AGBL4: variants seen among roughly 807,000 people sequenced by gnomAD.
AGBL4 encodes the protein AGBL carboxypeptidase 4, also known as cytosolic carboxypeptidase 6.
Under a neutral mutation model 66.4 loss-of-function variants are expected in AGBL4, and 58 were observed. The ratio of observed to expected loss-of-function variants is 0.87; its 90% CI spans 0.71 to 1.09. The LOEUF is 1.09. Ranked by LOEUF, AGBL4 falls within the 50% of genes least tolerant of loss-of-function variation. AGBL4 has a pLI of 0.00. For synonymous variants in AGBL4, 234 were observed against 222.9 expected (o/e 1.05, Z -0.44); for missense variants, 579 against 631.0 (o/e 0.92, Z 0.88).
chr1:48,603,772 G>A lies in AGBL4; in HGVS notation c.952-12787C>T, dbSNP rs1324675557. Reference sequence around the variant, plus strand: ...AGAACATTTTTGTTATAATCCAAGTGAGAACTAATTTAAAAATGATAAGGT... The same window carrying A: ...AGAACATTTTTGTTATAATCCAAGTAAGAACTAATTTAAAAATGATAAGGT... On this transcript the variant is annotated intron_variant, in intron 9 of 13. Coordinates refer to ENST00000371839, the MANE Select transcript of AGBL4 (RefSeq NM_032785.4). Among the ~76,000 whole-genome samples, 3 of 152,034 alleles carry A rather than the reference G, an allele frequency of 2.0e-5. No individual in the cohort carries two copies. The East Asian group carries it at 5.8e-4, about 30-fold the overall frequency.
intron 1 of AGBL4, among the ~76,000 whole-genome samples, chr1:49,868,580 T>A (rs940173552): frequency 4.6e-5 from 7 of 152,198 alleles, no homozygotes; most frequent in African/African-American, 1.4e-4. Flanking sequence ...ACCGGACTCC[T>A]ACCTTACACC....
intron 1 of AGBL4, among the ~76,000 whole-genome samples, chr1:49,973,299 T>A (rs944270594): frequency 5.9e-5 from 9 of 152,180 alleles, no homozygotes; most frequent in Non-Finnish European, 2.9e-5. Flanking sequence ...ATAATTCCAA[T>A]CATTTAGAGC....
intron 2 of AGBL4, among the ~76,000 whole-genome samples, chr1:49,730,442 C>A (rs558133107): frequency 9.2e-5 from 14 of 152,184 alleles, no homozygotes; most frequent in African/African-American, 1.9e-4. Context: ...ACTCCCCAAG[C>A]CAGAACTATG....
At chr1:49,947,136 T>A (rs952990198) in intron 1 of AGBL4, among the ~76,000 whole-genome samples, 2 of 151,834 alleles carry the variant, frequency 1.3e-5, no homozygotes, top group African/African-American at 4.8e-5. Context: ...CTGGTACCAA[T>A]CCTATTGACA....
At chr1:48,683,418 G>A (rs1182306426) in intron 6 of AGBL4, among the ~76,000 whole-genome samples, 2 of 152,208 alleles carry the variant, frequency 1.3e-5, no homozygotes, top group Non-Finnish European at 2.9e-5. Context: ...GACTGACAGA[G>A]CCCAGCCTTC....
chr1:49,941,015 A>T (rs940759832), intron 1 of AGBL4, among the ~76,000 whole-genome samples: 3 of 152,122 alleles, frequency 2.0e-5, no homozygotes, highest in Non-Finnish European at 2.9e-5. Flanking sequence ...AATACAAAGG[A>T]TCATAAAAGA....
chr1:49,044,304 C>A (rs1357402710), intron 5 of AGBL4, among the ~76,000 whole-genome samples: 2 of 152,008 alleles, frequency 1.3e-5, no homozygotes, highest in East Asian at 3.9e-4. Context: ...TTGAGACCAG[C>A]CTGGCCAACA....
At chr1:49,456,611 C>T (rs1453421939) in intron 3 of AGBL4, among the ~76,000 whole-genome samples, 1 of 151,484 alleles carries the variant, frequency 6.6e-6, no homozygotes, top group Non-Finnish European at 1.5e-5. Context: ...TCTGGTAACA[C>T]ATGGTGTTTG....
intron 3 of AGBL4, among the ~76,000 whole-genome samples, chr1:49,663,091 A>G (rs916566581): frequency 5.3e-5 from 8 of 152,116 alleles, no homozygotes; most frequent in Non-Finnish European, 1.0e-4. Flanking sequence ...AAAAGAGAAA[A>G]TCACTCTTAA....
chr1:48,645,938 C>G (rs1025927520), intron 8 of AGBL4, among the ~76,000 whole-genome samples: 1 of 152,082 alleles, frequency 6.6e-6, no homozygotes, highest in African/African-American at 2.4e-5. Context: ...TGGCCTGGAG[C>G]AGTGGTGGGA....
At chr1:49,422,765 A>T (rs1042998587) in intron 3 of AGBL4, among the ~76,000 whole-genome samples, 12 of 152,142 alleles carry the variant, frequency 7.9e-5, no homozygotes, top group Non-Finnish European at 2.9e-5. Flanking sequence ...TTAGGAAGCT[A>T]TTCTTGATTC....
chr1:49,972,917 A>G (rs1320418528), intron 1 of AGBL4, among the ~76,000 whole-genome samples: 1 of 152,194 alleles, frequency 6.6e-6, no homozygotes, highest in Non-Finnish European at 1.5e-5. Flanking sequence ...ATGTTGCTTA[A>G]TCTTCACAAT....
At chr1:49,196,775 AT>A (rs1647276284) in intron 4 of AGBL4, among the ~76,000 whole-genome samples, 1 of 151,748 alleles carries the variant, frequency 6.6e-6, no homozygotes, top group Admixed American at 6.6e-5. Context: ...ATTATAATGT[AT>A]TTTTTGTTTG....
chr1:48,584,813 T>A (rs890833676), intron 11 of AGBL4: 8 of 152,242 alleles, frequency 5.3e-5, no homozygotes, highest in Admixed American at 6.5e-5. Flanking sequence ...CTTTCCCCCA[T>A]GTAAAGACAT....
chr1:48,769,550 C>CACACAT (rs1644703770), intron 6 of AGBL4, among the ~76,000 whole-genome samples: 1 of 146,962 alleles, frequency 6.8e-6, no homozygotes, highest in Non-Finnish European at 1.5e-5. Flanking sequence ...CACACACACA[C>CACACAT]ACACACACAC....
chr1:48,585,290 T>G (rs1644801244), intron 11 of AGBL4: 1 of 152,212 alleles, frequency 6.6e-6, no homozygotes, highest in African/African-American at 2.4e-5. Flanking sequence ...GGAGGGACCC[T>G]CATCTCACTA....
At chr1:49,084,543 G>A (rs546352938) in intron 4 of AGBL4, among the ~76,000 whole-genome samples, 49 of 152,128 alleles carry the variant, frequency 3.2e-4, no homozygotes, top group Non-Finnish European at 5.3e-4. Context: ...TGACTACCAT[G>A]AGAACAGTAT....
At chr1:48,572,690 G>A (rs143428184) in intron 11 of AGBL4, among the ~76,000 whole-genome samples, 93 of 152,204 alleles carry the variant, frequency 6.1e-4, no homozygotes, top group African/African-American at 1.9e-3. Flanking sequence ...AGAACTGAAG[G>A]GGGGGTGCGT....
chr1:49,676,244 G>A (rs973895148), intron 3 of AGBL4, among the ~76,000 whole-genome samples: 7 of 151,986 alleles, frequency 4.6e-5, no homozygotes, highest in African/African-American at 1.7e-4. Context: ...GGAAATCAAT[G>A]TTTCCATTAA....
Sources: allele counts gnomAD v4.1 joint callset (sites outside exome capture counted in the v4.1 genomes callset), GRCh38; gene constraint gnomAD v4.1.1; transcripts MANE v1.5; gene names NCBI Gene and HGNC (gene_info 2026-07-23, HGNC 2026-07-21).